Variants in ADAM19 observed in about 807,000 individuals in gnomAD.
The protein encoded by ADAM19 is disintegrin and metalloproteinase domain-containing protein 19.
A neutral mutation model predicts 114.7 loss-of-function variants in ADAM19; 65 were observed. The observed-to-expected ratio is 0.57, with a 90% CI of 0.46 to 0.70. The LOEUF is 0.70. Among genes scored for constraint, ADAM19 ranks in the 30% least tolerant of loss-of-function variants. The pLI is 0.00. For missense variants in ADAM19, 1,063 were observed against 1,204.7 expected (o/e 0.88, Z 1.74); for synonymous variants, 466 against 460.5 (o/e 1.01, Z -0.15).
chr5:157,490,404 C>T lies in ADAM19; in HGVS notation c.2146G>A (p.Val716Ile), dbSNP rs1398708772. ...GVLVAILVLA[V>I]LMLMYYCCRQ... ...CAGCAGTAGTACATCAGCATGAGGA[C>T]CGCCAGCACCAAGATGGCCACCAAC... Residue 716 changes from valine to isoleucine, a missense_variant, in exon 19 of 23, where the codon GTC (valine) becomes ATC (isoleucine). Coordinates refer to ENST00000257527, the MANE Select transcript of ADAM19 (RefSeq NM_033274.5). 40 of 1,613,972 alleles carry T rather than the reference C, an allele frequency of 2.5e-5. No individual in the cohort carries two copies. Among genetic ancestry groups the T allele is most frequent in the Non-Finnish European group, 3.3e-5 (39 of 1,180,030 alleles).
intron 5 of ADAM19, among the ~76,000 whole-genome samples, chr5:157,521,824 A>G (rs1756297789): frequency 6.6e-6 from 1 of 152,192 alleles, no homozygotes; most frequent in African/African-American, 2.4e-5. Context: ...ATCTCAGCCA[A>G]CCAAGGCCTC....
At chr5:157,530,257 C>T (rs1434639826) in intron 5 of ADAM19, among the ~76,000 whole-genome samples, 1 of 152,198 alleles carries the variant, frequency 6.6e-6, no homozygotes, top group Non-Finnish European at 1.5e-5. Flanking sequence ...CCACTATCCC[C>T]CTTCCCTAAT....
In ADAM19 at chr5:157,513,458, T is replaced by C; in HGVS notation, c.714A>G (p.Ile238Met). ...CCTTATCAACATAGTTGGCGATCTC[T>C]ATGAGCTTGTGTTTGGTGGCGTCCT... is the stretch of plus-strand genomic sequence containing the variant. ...RDQDATKHKLIEIANYVDKFY... is the reference protein window; with the variant it reads ...RDQDATKHKLMEIANYVDKFY... The change falls in exon 8 of 23, where the codon ATA becomes ATG. Residue 238 changes from isoleucine to methionine, a missense_variant. Physicochemically the swap from Ile to Met is conservative, Grantham distance 10. Coordinates refer to ENST00000257527, the MANE Select transcript of ADAM19 (RefSeq NM_033274.5). 1 of 1,613,238 alleles carries C rather than the reference T, an allele frequency of 6.2e-7. No individual in the cohort carries two copies.
intron 4 of ADAM19, among the ~76,000 whole-genome samples, chr5:157,533,664 C>T (rs990308985): frequency 6.6e-6 from 1 of 152,030 alleles, no homozygotes; most frequent in African/African-American, 2.4e-5. Context: ...TTTCAAAACG[C>T]TGGTTAACAG....
In ADAM19 at chr5:157,566,379, C is replaced by T. The variant is rs1431828198; in HGVS notation, c.181-1936G>A. 2.0e-5 allele frequency: 3 copies of T among 152,290 alleles called. No homozygotes were observed. In the East Asian group the frequency reaches 5.8e-4, roughly 29 times the overall value. 9.4% of individuals were successfully genotyped at this position (152,290 alleles called of 1,614,324 possible). On this transcript the variant is annotated intron_variant, in intron 2 of 22. Coordinates refer to ENST00000257527, the MANE Select transcript of ADAM19 (RefSeq NM_033274.5). ...AGAGAGAAATAAGCCTAACCATTAC[C>T]ATAGTTAATGGGATCATGAGTTAAT...
chr5:157,557,981 G>A (rs2113786815), intron 3 of ADAM19, among the ~76,000 whole-genome samples: 1 of 152,302 alleles, frequency 6.6e-6, no homozygotes. Context: ...AATCACATCA[G>A]ACTGGCTGGC....
rs146566185 is a variant in ADAM19, at chr5:157,499,219, C to G, written c.1398+354G>C. Among the ~76,000 whole-genome samples the G allele has an allele frequency of 1.8e-4, 28 of 152,124 alleles. 1 individual carries two copies. The East Asian group carries it at 5.4e-3, about 29-fold the overall frequency. ...CGTACATAAAATTCCCAGCACAGTG[C>G]CTGGCATCTACTAAGAGGTCCATTA... On this transcript the variant is annotated intron_variant, in intron 13 of 22. Transcript: ENST00000257527.
At chr5:157,494,120 T>C (rs1755266968) in intron 15 of ADAM19, among the ~76,000 whole-genome samples, 1 of 152,176 alleles carries the variant, frequency 6.6e-6, no homozygotes, top group African/African-American at 2.4e-5. Context: ...AGATAGTAGA[T>C]AGACAGTAAA....
At position 157,480,179 on chromosome 5, in the gene ADAM19, C is replaced by T. The variant is rs190426476; in HGVS notation, c.*770G>A. 2.4e-4 allele frequency: 234 copies of T among 986,136 alleles called. No homozygotes were observed. Among genetic ancestry groups the T allele is most frequent in the African/African-American group, 5.4e-4 (31 of 57,348 alleles). The allele number at this position is 986,136 out of a possible 1,614,324, so 61.1% of individuals were successfully genotyped here. A position where few individuals can be genotyped will look rare whatever the true frequency, so the allele number is the denominator to read the frequency against. ...AAAAGCGTGGGGCACCAGGAAAGTGCGGCAGAGAAAACAAAGAGCAACTAA... is the reference window on the plus strand; with the variant it reads ...AAAAGCGTGGGGCACCAGGAAAGTGTGGCAGAGAAAACAAAGAGCAACTAA... On this transcript the variant is annotated 3_prime_UTR_variant, in exon 23 of 23. Coordinates refer to ENST00000257527, the MANE Select transcript of ADAM19 (RefSeq NM_033274.5).
intron 7 of ADAM19, 149 bp from the exon 8 acceptor site, chr5:157,513,654 A>G (rs2113732352): frequency 1.5e-6 from 1 of 686,698 alleles, no homozygotes; most frequent in Non-Finnish European, 2.6e-6. Flanking sequence ...CACCACAGTA[A>G]GAGCTTTGGA....
chr5:157,500,277 C>T (rs1160134589), intron 12 of ADAM19, among the ~76,000 whole-genome samples: 1 of 152,156 alleles, frequency 6.6e-6, no homozygotes, highest in Non-Finnish European at 1.5e-5. Context: ...GCTGGGACCA[C>T]AGGCACACAC....
At chr5:157,575,474 C>G in intron 1 of ADAM19, 129 bp downstream of exon 1, 1 of 621,382 alleles carries the variant, frequency 1.6e-6, no homozygotes, top group East Asian at 3.5e-5. Flanking sequence ...AGGCTGGGGA[C>G]GGCGGGGGCG....
chr5:157,505,911 T>C, intron 10 of ADAM19, 103 bp from the exon 11 acceptor site: 1 of 1,338,282 alleles, frequency 7.5e-7, no homozygotes, highest in Non-Finnish European at 1.0e-6. Flanking sequence ...CTCCACCAAT[T>C]CCACTGTCAC....
rs114806449 is a variant in ADAM19 at position 157,562,402 on chromosome 5, C to T, written c.251+1971G>A. On this transcript the variant is annotated intron_variant, in intron 3 of 22. Transcript: ENST00000257527. Reference sequence around the variant, plus strand: ...AAAGCAGATGCTAGAACCACAGCCCCGGGCTCTCCTCTGGAGCCTCAGTGT... The same window carrying T: ...AAAGCAGATGCTAGAACCACAGCCCTGGGCTCTCCTCTGGAGCCTCAGTGT... Among the ~76,000 whole-genome samples the T allele has an allele frequency of 6.2e-3, 940 of 152,316 alleles. 9 individuals carry two copies. The highest frequency in any genetic ancestry group is 0.021 in the African/African-American group (884 of 41,556).
rs574445113 is a variant in ADAM19, at chr5:157,483,304, C to T, written c.2551-1361G>A. 2.4e-3 allele frequency among the ~76,000 whole-genome samples: 372 copies of T among 152,280 alleles called. 1 individual carries two copies. The highest frequency in any genetic ancestry group is 8.7e-3 in the African/African-American group (363 of 41,542). On this transcript the variant is annotated intron_variant, in intron 21 of 22. Transcript: ENST00000257527. The stretch of plus-strand genomic sequence containing the variant: ...TTTGCACACGTGCACAAAAATGAAA[C>T]TGCAAGGTTGTTCCTTGCAGCACTG...
chr5:157,493,288 G>T, intron 15 of ADAM19, 111 bp from the exon 16 acceptor site: 2 of 1,165,682 alleles, frequency 1.7e-6, no homozygotes, highest in Non-Finnish European at 1.2e-6. Context: ...TGCGTGGGGT[G>T]GGGCAAAGGT....
Position 157,575,731 on chromosome 5 carries a change from G to A in ADAM19, c.-35C>T, listed in dbSNP as rs1475453665. 3.9e-6 allele frequency: 5 copies of A among 1,283,016 alleles called. No homozygotes were observed. Among genetic ancestry groups the A allele is most frequent in the East Asian group, 6.3e-5 (2 of 31,728 alleles). 79.5% of individuals were successfully genotyped at this position (1,283,016 alleles called of 1,614,324 possible). ...GGCCCTTAGCGCTCGGCGCTCACAC[G>A]CCCTCAGCCATACCTGCCCACTGCC... On this transcript the variant is annotated 5_prime_UTR_variant, in exon 1 of 23. Transcript: ENST00000257527.
At position 157,518,843 on chromosome 5, in the gene ADAM19, G is replaced by C. The variant is rs570643674; in HGVS notation, c.646C>G (p.Leu216Val). 1 of 1,613,892 alleles carries C rather than the reference G, an allele frequency of 6.2e-7. No homozygotes were observed. The highest frequency in any genetic ancestry group is 8.5e-7 in the Non-Finnish European group (1 of 1,179,886). The part of the protein sequence containing the change: ...LNSMKYVELY[L>V]VADYLEFQKN... Reference sequence around the variant, plus strand: ...CTTACCTCTAAATAATCAGCCACGAGGTAAAGCTCCACATACTTCATGGAG... The same window carrying C: ...CTTACCTCTAAATAATCAGCCACGACGTAAAGCTCCACATACTTCATGGAG... The change falls in exon 7 of 23, where the codon CTC (leucine) becomes GTC (valine). Residue 216 changes from leucine to valine, a missense_variant. Physicochemically the swap from Leu to Val is conservative, Grantham distance 32. Transcript: ENST00000257527.
chr5:157,513,274 G>A (rs181353931), intron 8 of ADAM19, 160 bp downstream of exon 8: 43 of 533,734 alleles, frequency 8.1e-5, no homozygotes, highest in East Asian at 4.4e-4. Context: ...CTAAGGGTAC[G>A]TAGTTCAGGG....
Sources: gnomAD v4.1 joint callset for allele counts (sites outside exome capture counted in the v4.1 genomes callset) on GRCh38, gnomAD v4.1.1 for gene constraint, MANE v1.5 for transcripts, NCBI Gene and HGNC (gene_info 2026-07-23, HGNC 2026-07-21) for gene names.